The following MBNL3 variants were observed in gnomAD, a reference collection of about 807,000 sequenced individuals.
The protein encoded by MBNL3 is muscleblind like splicing regulator 3, also known as muscleblind-like protein 3.
Under a neutral mutation model 24.5 loss-of-function variants are expected in MBNL3, and 6 were observed. That is an observed-to-expected ratio of 0.25 (90% CI 0.13 to 0.48). The LOEUF (loss-of-function observed/expected upper bound fraction) is 0.48, where lower values mean the gene tolerates loss of function less well. Ranked by LOEUF, MBNL3 falls within the 20% of genes least tolerant of loss-of-function variation. MBNL3 has a pLI of 0.99. For synonymous variants in MBNL3, 100 were observed against 101.7 expected, an observed-to-expected ratio of 0.98 and a Z score of 0.10; for missense variants, 230 against 293.5, an observed-to-expected ratio of 0.78 and a Z score of 1.58.
intron 1 of MBNL3, among the ~76,000 whole-genome samples, chrX:132,452,963 G>C (rs1261298142): frequency 8.9e-6 from 1 of 112,275 alleles, no homozygotes; most frequent in Non-Finnish European, 1.9e-5. Context: ...TTTTCAAGAA[G>C]AAAGGGGAGC....
intron 1 of MBNL3, among the ~76,000 whole-genome samples, chrX:132,478,000 T>C (rs1947530211): frequency 8.9e-6 from 1 of 112,219 alleles, no homozygotes. Flanking sequence ...TCAGCTTGTT[T>C]TCTTCTTGCA....
intron 1 of MBNL3, among the ~76,000 whole-genome samples, chrX:132,454,923 A>G (rs924665598): frequency 8.9e-6 from 1 of 111,859 alleles, no homozygotes; most frequent in South Asian, 3.7e-4. Flanking sequence ...TAAAATAAAA[A>G]TTTTCATTTT....
chrX:132,388,108 A>G (rs1213959951), intron 5 of MBNL3, among the ~76,000 whole-genome samples: 2 of 111,670 alleles, frequency 1.8e-5, no homozygotes, highest in Non-Finnish European at 3.8e-5. Flanking sequence ...TAATGCCATG[A>G]CCTCGTTCCT....
chrX:132,449,393 C>T (rs755018620), intron 1 of MBNL3, among the ~76,000 whole-genome samples: 6 of 108,028 alleles, frequency 5.6e-5, no homozygotes, highest in Admixed American at 9.9e-5. Flanking sequence ...GTATGTAATG[C>T]CCTTCTTTGT....
chrX:132,396,396 ATATATATTCATATATATTCC>A (rs1938417495), intron 3 of MBNL3, among the ~76,000 whole-genome samples: 1 of 83,026 alleles, frequency 1.2e-5, no homozygotes, highest in African/African-American at 4.9e-5. Flanking sequence ...ATATATTCCT[ATATATATTCATATATATTCC>A]TATATATATA....
At chrX:132,427,802 C>T (rs1020917167) in intron 2 of MBNL3, among the ~76,000 whole-genome samples, 3 of 111,893 alleles carry the variant, frequency 2.7e-5, no homozygotes, top group Non-Finnish European at 5.7e-5. Context: ...TAGAACATTA[C>T]TACCGTTCCG....
intron 2 of MBNL3, among the ~76,000 whole-genome samples, chrX:132,424,484 C>T (rs1362066796): frequency 1.8e-5 from 2 of 111,059 alleles, no homozygotes; most frequent in Non-Finnish European, 3.8e-5. Context: ...CTTCTCTGGG[C>T]CATAATTAAT....
At chrX:132,450,894 T>C (rs529387693) in intron 1 of MBNL3, among the ~76,000 whole-genome samples, 33 of 112,668 alleles carry the variant, frequency 2.9e-4, no homozygotes, top group African/African-American at 1.0e-3. Context: ...TTTTTTTCTG[T>C]TTGTTAGTTT....
chrX:132,459,433 T>G (rs1404873580), intron 1 of MBNL3, among the ~76,000 whole-genome samples: 2 of 111,513 alleles, frequency 1.8e-5, no homozygotes, highest in Non-Finnish European at 3.8e-5. Flanking sequence ...GATTATGGAA[T>G]GTGCTTCCTT....
chrX:132,463,183 G>A (rs950263003), intron 1 of MBNL3, among the ~76,000 whole-genome samples: 4 of 112,222 alleles, frequency 3.6e-5, no homozygotes, highest in Admixed American at 9.4e-5. Context: ...ATATTGAGGC[G>A]GGGCGCCGTG....
At chrX:132,473,421 T>C (rs965809266) in intron 1 of MBNL3, among the ~76,000 whole-genome samples, 1 of 112,219 alleles carries the variant, frequency 8.9e-6, no homozygotes, top group African/African-American at 3.2e-5. Context: ...TCTCTAGCAT[T>C]GGGGAAATAT....
At chrX:132,473,235 C>A (rs1024828883) in intron 1 of MBNL3, among the ~76,000 whole-genome samples, 1 of 111,960 alleles carries the variant, frequency 8.9e-6, no homozygotes, top group African/African-American at 3.2e-5. Flanking sequence ...CAAAGTAAAA[C>A]TATATCCTCC....
intron 3 of MBNL3, among the ~76,000 whole-genome samples, chrX:132,405,112 A>G (rs1473950427): frequency 8.9e-6 from 1 of 112,297 alleles, no homozygotes; most frequent in African/African-American, 3.2e-5. Context: ...ATGAACAGAT[A>G]TAGCTTAATT....
chrX:132,390,353 G>C (rs1213007713), intron 5 of MBNL3, among the ~76,000 whole-genome samples: 2 of 106,206 alleles, frequency 1.9e-5, no homozygotes, highest in East Asian at 5.9e-4. Flanking sequence ...GCAGGCTGCT[G>C]TCCTTGATAC....
chrX:132,468,243 T>C (rs996162366), intron 1 of MBNL3, among the ~76,000 whole-genome samples: 2 of 112,545 alleles, frequency 1.8e-5, no homozygotes, highest in Non-Finnish European at 3.8e-5. Context: ...GTGTGAGCTA[T>C]AGAGATTTTA....
chrX:132,386,424 G>T (rs1219028000), intron 6 of MBNL3, among the ~76,000 whole-genome samples: 2 of 111,968 alleles, frequency 1.8e-5, no homozygotes, highest in Non-Finnish European at 3.8e-5. Context: ...ACCAACAAAT[G>T]CTAAAAAGAA....
At chrX:132,400,575 T>G (rs756932830) in intron 3 of MBNL3, among the ~76,000 whole-genome samples, 1 of 111,672 alleles carries the variant, frequency 9.0e-6, no homozygotes, top group African/African-American at 3.3e-5. Context: ...TTTGCAAATT[T>G]TACAAACACA....
chrX:132,452,241 G>A (rs149294798), intron 1 of MBNL3, among the ~76,000 whole-genome samples: 26 of 112,173 alleles, frequency 2.3e-4, no homozygotes, highest in African/African-American at 6.8e-4. Context: ...AAGTGCTTGC[G>A]TATGTGCATG....
chrX:132,485,040 A>C (rs1408667570), intron 1 of MBNL3, among the ~76,000 whole-genome samples: 1 of 110,998 alleles, frequency 9.0e-6, no homozygotes, highest in Non-Finnish European at 1.9e-5. Flanking sequence ...TTTTTCTGAA[A>C]GTTAACTGCC....
Sources: allele counts gnomAD v4.1 joint callset (sites outside exome capture counted in the v4.1 genomes callset), GRCh38; gene constraint gnomAD v4.1.1; transcripts MANE v1.5; gene names NCBI Gene and HGNC (gene_info 2026-07-23, HGNC 2026-07-21).